Variants in MAP4K5 observed in about 807,000 individuals in gnomAD.
MAP4K5 encodes MAPK/ERK kinase kinase kinase 5.
Under a neutral mutation model 135.6 loss-of-function variants are expected in MAP4K5, and 82 were observed. The ratio of observed to expected loss-of-function variants is 0.60; its 90% CI spans 0.51 to 0.73. MAP4K5 has a LOEUF of 0.73. Among genes scored for constraint, MAP4K5 ranks in the 30% least tolerant of loss-of-function variants. The pLI, the probability that MAP4K5 is intolerant of heterozygous loss-of-function variation, is 0.00. For missense variants in MAP4K5, 907 were observed against 1,010.9 expected, an observed-to-expected ratio of 0.90 and a Z score of 1.39; for synonymous variants, 347 against 335.0, an observed-to-expected ratio of 1.04 and a Z score of -0.39.
chr14:50,440,028 A>C lies in MAP4K5; in HGVS notation c.1690T>G (p.Leu564Val). The C allele has an allele frequency of 6.4e-7, 1 of 1,553,742 alleles. No homozygotes were observed. The highest frequency in any genetic ancestry group is 8.8e-7 in the Non-Finnish European group (1 of 1,139,342). The part of the protein sequence containing the change: ...CTWLYVINNT[L>V]MSLSEGKTFQ... ...ACATACATACCTGATAATGACATTA[A>C]AGTATTATTGATAACATACAGCCAA... Residue 564 changes from leucine (L) to valine (V), a missense_variant, in exon 23 of 33, where the codon TTA becomes GTA. Leu to Val is a conservative substitution (Grantham distance 32, BLOSUM62 1). This residue lies in a region of MAP4K5 where 690 missense variants were observed against 777.4 expected (regional missense o/e 0.89). Transcript: ENST00000682126.
intron 3 of MAP4K5, among the ~76,000 whole-genome samples, chr14:50,493,896 G>A (rs560543431): frequency 3.3e-5 from 5 of 151,702 alleles, no homozygotes; most frequent in African/African-American, 9.7e-5. Flanking sequence ...GCTGAAGAAC[G>A]AGAATCACTT....
At chr14:50,549,813 T>G (rs1304576626) in intron 1 of MAP4K5, among the ~76,000 whole-genome samples, 1 of 152,198 alleles carries the variant, frequency 6.6e-6, no homozygotes, top group Non-Finnish European at 1.5e-5. Flanking sequence ...TGTCCCAGAA[T>G]GGCTAAGTTC....
At chr14:50,513,973 T>C (rs1308200631) in intron 2 of MAP4K5, among the ~76,000 whole-genome samples, 1 of 152,168 alleles carries the variant, frequency 6.6e-6, no homozygotes, top group Non-Finnish European at 1.5e-5. Flanking sequence ...AAATACAAAG[T>C]AGCTGATTAA....
chr14:50,540,809 T>C (rs1206505756), intron 2 of MAP4K5, among the ~76,000 whole-genome samples: 1 of 152,206 alleles, frequency 6.6e-6, no homozygotes, highest in Non-Finnish European at 1.5e-5. Flanking sequence ...GTAACCTCCC[T>C]AGCTAACTTC....
intron 5 of MAP4K5, among the ~76,000 whole-genome samples, chr14:50,483,383 G>T (rs933095161): frequency 1.3e-5 from 2 of 152,134 alleles, no homozygotes; most frequent in African/African-American, 4.8e-5. Flanking sequence ...GGTATCTGCT[G>T]ACAGCGAAAC....
At chr14:50,439,412 G>A (rs2036174470) in intron 23 of MAP4K5, among the ~76,000 whole-genome samples, 1 of 150,102 alleles carries the variant, frequency 6.7e-6, no homozygotes, top group Admixed American at 6.7e-5. Context: ...AATAAAATGA[G>A]GTTACCCTGG....
intron 2 of MAP4K5, among the ~76,000 whole-genome samples, chr14:50,529,759 G>A (rs184151117): frequency 7.9e-5 from 12 of 152,284 alleles, no homozygotes; most frequent in African/African-American, 2.6e-4. Flanking sequence ...GGGGGGCGGT[G>A]GTGAAGGGGA....
At chr14:50,540,309 A>G (rs1470958370) in intron 2 of MAP4K5, among the ~76,000 whole-genome samples, 1 of 152,262 alleles carries the variant, frequency 6.6e-6, no homozygotes, top group African/African-American at 2.4e-5. Context: ...TGACATATGT[A>G]GGTGGAAAAA....
rs748919409 is a variant in MAP4K5 at position 50,420,091 on chromosome 14, T to G, written c.2469A>C (p.Glu823Asp). The G allele has an allele frequency of 1.9e-6, 3 of 1,608,546 alleles. No individual in the cohort carries two copies. The highest frequency in any genetic ancestry group is 2.5e-6 in the Non-Finnish European group (3 of 1,176,982). ...LLGSDRVVVL[E>D]SRPTENPTAH... ...CAGTAGGATTTTCTGTTGGCCTACT[T>G]TCCAAAACGACAACCCTGTAATTAA... Residue 823 changes from glutamate to aspartate, a missense_variant, in exon 33 of 33, where the codon GAA becomes GAC. Physicochemically the swap from Glu to Asp is conservative, Grantham distance 45. Around this residue, in one of 3 missense-constraint regions of MAP4K5, gnomAD observed 690 missense variants for 777.4 expected, o/e 0.89. Coordinates refer to ENST00000682126, the MANE Select transcript of MAP4K5 (RefSeq NM_006575.6).
chr14:50,485,924 G>A (rs2037353102), intron 4 of MAP4K5, 180 bp downstream of exon 4: 1 of 535,646 alleles, frequency 1.9e-6, no homozygotes, highest in Non-Finnish European at 3.3e-6. Flanking sequence ...TATAAAAATG[G>A]GAGTACCATT....
At chr14:50,449,741 A>T (rs1280492385) in intron 14 of MAP4K5, 2 of 152,160 alleles carry the variant, frequency 1.3e-5, no homozygotes, top group Non-Finnish European at 2.9e-5. Flanking sequence ...TAAAATAAAA[A>T]GTCCTGGGAC....
At position 50,468,858 on chromosome 14, in the gene MAP4K5, CA is replaced by C. The variant is rs1452459471; in HGVS notation, c.543-77del. ...ATCTGTTACTTCCTGTTATAATCAC[CA>C]GACTTGTTGGAGGGAAGGAAGCTGA... On this transcript the variant is annotated intron_variant, in intron 9 of 32. Transcript: ENST00000682126. The C allele has an allele frequency of 2.9e-5, 40 of 1,394,416 alleles. No homozygotes were observed. The Admixed American group carries it at 7.9e-4, about 27-fold the overall frequency. 86.4% of individuals were successfully genotyped at this position (1,394,416 alleles called of 1,614,324 possible).
chr14:50,423,268 T>G (rs1566629673), intron 31 of MAP4K5, 92 bp from the exon 32 acceptor site: 5 of 560,222 alleles, frequency 8.9e-6, no homozygotes, highest in African/African-American at 1.9e-5. Flanking sequence ...ATTAACACAA[T>G]AAATATTTTT....
At chr14:50,482,227 T>C (rs988108167) in intron 6 of MAP4K5, 134 bp downstream of exon 6, 12 of 522,136 alleles carry the variant, frequency 2.3e-5, no homozygotes, top group African/African-American at 2.2e-4. Context: ...AGAAAAATCA[T>C]TTTGTTTTAC....
At chr14:50,420,530 G>T (rs779810188) in intron 32 of MAP4K5, among the ~76,000 whole-genome samples, 1 of 152,058 alleles carries the variant, frequency 6.6e-6, no homozygotes, top group Non-Finnish European at 1.5e-5. Context: ...TACTCAGGAC[G>T]CTGAGGCAGG....
intron 2 of MAP4K5, among the ~76,000 whole-genome samples, chr14:50,513,574 T>G (rs2037972583): frequency 1.7e-5 from 1 of 59,738 alleles, no homozygotes; most frequent in African/African-American, 6.6e-5. Context: ...GATAATTTTT[T>G]ATAAACTGGG....
At chr14:50,447,131 G>A (rs1273887067) in intron 16 of MAP4K5, among the ~76,000 whole-genome samples, 1 of 152,084 alleles carries the variant, frequency 6.6e-6, no homozygotes, top group Non-Finnish European at 1.5e-5. Flanking sequence ...GAGATGAACT[G>A]GGGCTTTTTA....
chr14:50,446,294 T>C (rs538971376), intron 16 of MAP4K5, among the ~76,000 whole-genome samples, 173 bp from the exon 17 acceptor site: 48 of 152,294 alleles, frequency 3.2e-4, no homozygotes, highest in African/African-American at 1.1e-3. Context: ...TATTGTCAAA[T>C]TGTATGTCTA....
intron 13 of MAP4K5, among the ~76,000 whole-genome samples, chr14:50,457,299 G>A (rs1486755118): frequency 6.6e-6 from 1 of 152,198 alleles, no homozygotes. Context: ...CATTGCCAAT[G>A]TCAGCTTTAA....
Sources: allele counts gnomAD v4.1 joint callset (sites outside exome capture counted in the v4.1 genomes callset), GRCh38; gene constraint gnomAD v4.1.1; regional missense constraint gnomAD v4.1.1; transcripts MANE v1.5; gene names NCBI Gene and HGNC (gene_info 2026-07-23, HGNC 2026-07-21).